MLLT3: variants seen among roughly 807,000 people sequenced by gnomAD.
MLLT3 encodes MLLT3 super elongation complex subunit, also known as protein AF-9.
MLLT3 carries 4 observed loss-of-function variants against 53.2 expected under a neutral mutation model. The observed-to-expected ratio is 0.08, with a 90% CI of 0.04 to 0.17. MLLT3 has a LOEUF of 0.17. Ranked by LOEUF, MLLT3 falls within the 10% of genes least tolerant of loss-of-function variation. The pLI is 1.00. For missense variants in MLLT3, 569 were observed against 684.0 expected (o/e 0.83, Z 1.87); for synonymous variants, 283 against 230.6 (o/e 1.23, Z -2.06).
At chr9:20,399,318 C>A (rs766355377) in intron 5 of MLLT3, among the ~76,000 whole-genome samples, 1 of 152,054 alleles carries the variant, frequency 6.6e-6, no homozygotes, top group Non-Finnish European at 1.5e-5. Context: ...TAAATACATA[C>A]GCATATATTA....
chr9:20,474,905 T>C (rs1824483417), intron 2 of MLLT3, among the ~76,000 whole-genome samples: 1 of 152,124 alleles, frequency 6.6e-6, no homozygotes. Context: ...GTGTTCTAAA[T>C]ATTGGAGGAC....
chr9:20,616,268 T>C (rs544115579), intron 2 of MLLT3, among the ~76,000 whole-genome samples: 13 of 152,296 alleles, frequency 8.5e-5, no homozygotes, highest in East Asian at 3.9e-4. Flanking sequence ...TAAACCAACA[T>C]TTGAATACAA....
chr9:20,428,098 T>C (rs1185324200), intron 4 of MLLT3, among the ~76,000 whole-genome samples: 1 of 152,022 alleles, frequency 6.6e-6, no homozygotes, highest in Non-Finnish European at 1.5e-5. Context: ...CATGACTTTT[T>C]CCCTCAGAAA....
chr9:20,522,315 A>T (rs1818083439), intron 2 of MLLT3, among the ~76,000 whole-genome samples: 1 of 152,090 alleles, frequency 6.6e-6, no homozygotes, highest in Non-Finnish European at 1.5e-5. Context: ...TTAAAAATTA[A>T]AATAGTTCTG....
chr9:20,343,792 G>A lies in MLLT3; in HGVS notation c.*2651C>T, dbSNP rs776994232. The A allele has an allele frequency of 8.9e-5, 19 of 213,532 alleles. No individual in the cohort carries two copies. Among genetic ancestry groups the A allele is most frequent in the Non-Finnish European group, 1.6e-4 (17 of 105,746 alleles). 13.2% of individuals were successfully genotyped at this position (213,532 alleles called of 1,614,324 possible). On this transcript the variant is annotated 3_prime_UTR_variant, in exon 11 of 11. Coordinates refer to ENST00000380338, the MANE Select transcript of MLLT3 (RefSeq NM_004529.4). ...TTGTGCTTAAGAAACCAGAGCCACT[G>A]TTAGGGTACTCACATGTCAAAGATA... is the stretch of plus-strand genomic sequence containing the variant.
At chr9:20,369,376 T>C (rs10964545) in intron 5 of MLLT3, among the ~76,000 whole-genome samples, 15,975 of 152,128 alleles carry the variant, frequency 0.11, 1,756 homozygotes, top group African/African-American at 0.26. Context: ...CAAAAACACA[T>C]TTTTGAAAGA....
At chr9:20,524,286 A>G (rs555385413) in intron 2 of MLLT3, among the ~76,000 whole-genome samples, 2 of 151,900 alleles carry the variant, frequency 1.3e-5, no homozygotes, top group South Asian at 4.2e-4. Flanking sequence ...AAATTCCTCT[A>G]AATTTTTAAA....
chr9:20,573,674 G>A (rs1819586908), intron 2 of MLLT3, among the ~76,000 whole-genome samples: 1 of 152,164 alleles, frequency 6.6e-6, no homozygotes. Flanking sequence ...ACCAAACCAG[G>A]TTGGGTATAC....
In MLLT3 at chr9:20,363,598, C is replaced by A; in HGVS notation, c.1209G>T (p.Leu403Phe). 1 of 1,613,570 alleles carries A rather than the reference C, an allele frequency of 6.2e-7. No individual in the cohort carries two copies. The highest frequency in any genetic ancestry group is 1.3e-5 in the African/African-American group (1 of 75,028). The change falls in exon 7 of 11, where the codon TTG (leucine) becomes TTT (phenylalanine). Residue 403 changes from leucine to phenylalanine, a missense_variant. By Grantham distance (22) the Leu-to-Phe change is conservative (BLOSUM62 0). Around this residue, in one of 5 missense-constraint regions of MLLT3, gnomAD observed 437 missense variants for 376.5 expected, o/e 1.16. Transcript: ENST00000380338. ...AATGCAGATCTTTCATTATAGACCT[C>A]AAAGGACCTGAGTAATGACAATGAA... ...TPSQTRQQGP[L>F]RSIMKDLHSD... is the part of the protein sequence containing the mutation.
At chr9:20,398,232 T>C (rs1372437114) in intron 5 of MLLT3, among the ~76,000 whole-genome samples, 2 of 152,036 alleles carry the variant, frequency 1.3e-5, no homozygotes, top group East Asian at 1.9e-4. Context: ...GCAGCTGGTG[T>C]GTGCCACCAC....
rs987625154 is a variant in MLLT3, at chr9:20,529,852, G to A, written c.194-73066C>T. Among the ~76,000 whole-genome samples the A allele has an allele frequency of 3.3e-5, 5 of 150,334 alleles. No homozygotes were observed. The South Asian group carries it at 8.3e-4, about 25-fold the overall frequency. Reference sequence around the variant, plus strand: ...CCCAAAGCTGACAGGCATGAGCCATGGCATCCCACTGTAATCCAATTCTTT... The same window carrying A: ...CCCAAAGCTGACAGGCATGAGCCATAGCATCCCACTGTAATCCAATTCTTT... On this transcript the variant is annotated intron_variant, in intron 2 of 10. Coordinates refer to ENST00000380338, the MANE Select transcript of MLLT3 (RefSeq NM_004529.4).
intron 4 of MLLT3, among the ~76,000 whole-genome samples, chr9:20,445,779 T>C (rs918620311): frequency 7.2e-5 from 11 of 152,130 alleles, no homozygotes; most frequent in Non-Finnish European, 1.5e-4. Context: ...GTAGAATATA[T>C]ACATCTATGT....
intron 2 of MLLT3, among the ~76,000 whole-genome samples, chr9:20,617,967 C>T (rs950480928): frequency 1.3e-5 from 2 of 152,144 alleles, no homozygotes; most frequent in Non-Finnish European, 2.9e-5. Context: ...AAAATCAATT[C>T]ACTTTTCCAA....
At chr9:20,360,590 G>A in intron 8 of MLLT3, 152 bp downstream of exon 8, 1 of 645,694 alleles carries the variant, frequency 1.5e-6, no homozygotes, top group Non-Finnish European at 2.8e-6. Context: ...CCCTAACTAT[G>A]TGTTTATTCC....
chr9:20,541,719 G>C (rs1818636281), intron 2 of MLLT3, among the ~76,000 whole-genome samples: 1 of 152,194 alleles, frequency 6.6e-6, no homozygotes, highest in Non-Finnish European at 1.5e-5. Context: ...CTATCAAGTA[G>C]CTTCCATCTC....
chr9:20,402,279 C>T (rs1437471280), intron 5 of MLLT3, among the ~76,000 whole-genome samples: 2 of 152,106 alleles, frequency 1.3e-5, no homozygotes, highest in Non-Finnish European at 2.9e-5. Flanking sequence ...AGAGCAAAAG[C>T]CAGACCACAA....
chr9:20,434,608 G>A (rs1424892434), intron 4 of MLLT3, among the ~76,000 whole-genome samples: 1 of 152,166 alleles, frequency 6.6e-6, no homozygotes, highest in Non-Finnish European at 1.5e-5. Context: ...ATTATCCTAA[G>A]AGGAATCGAA....
At chr9:20,370,272 G>A (rs992270275) in intron 5 of MLLT3, among the ~76,000 whole-genome samples, 8 of 152,080 alleles carry the variant, frequency 5.3e-5, no homozygotes, top group African/African-American at 1.7e-4. Flanking sequence ...ATGGTGATCT[G>A]AGATCAGTGA....
At chr9:20,534,649 C>T (rs58038501) in intron 2 of MLLT3, among the ~76,000 whole-genome samples, 2,014 of 152,194 alleles carry the variant, frequency 0.013, 61 homozygotes, top group African/African-American at 0.046. Flanking sequence ...AACTTTGGGA[C>T]GCCAAGGCGG....
Sources: allele counts gnomAD v4.1 joint callset (sites outside exome capture counted in the v4.1 genomes callset), GRCh38; gene constraint gnomAD v4.1.1; regional missense constraint gnomAD v4.1.1; transcripts MANE v1.5; gene names NCBI Gene and HGNC (gene_info 2026-07-23, HGNC 2026-07-21).